The following CNGB3 variants were observed in gnomAD, a reference collection of about 807,000 sequenced individuals.
CNGB3 encodes cyclic nucleotide-gated channel beta-3.
In CNGB3, 86 loss-of-function variants were observed where a neutral mutation model predicts 92.8. The ratio of observed to expected loss-of-function variants is 0.93; its 90% CI spans 0.78 to 1.11. The LOEUF is 1.11. Among genes scored for constraint, CNGB3 ranks in the 50% least tolerant of loss-of-function variants. CNGB3 has a pLI of 0.00. For missense variants in CNGB3, 1,026 were observed against 956.8 expected (o/e 1.07, Z -0.95); for synonymous variants, 333 against 332.7 (o/e 1.00, Z -0.01).
At chr8:86,739,759 T>C (rs760206186) in intron 1 of CNGB3, 23 bp from the exon 2 acceptor site, 29 of 1,611,410 alleles carry the variant, frequency 1.8e-5, no homozygotes, top group Non-Finnish European at 2.5e-5. Flanking sequence ...ACATAGAGAT[T>C]GTATGTGATG....
In CNGB3 at chr8:86,706,190, A is replaced by G. The variant is rs1824648744; in HGVS notation, c.338+20341T>C. 3.9e-5 allele frequency among the ~76,000 whole-genome samples: 6 copies of G among 152,294 alleles called. No individual in the cohort carries two copies. In the South Asian group the frequency reaches 1.0e-3, roughly 26 times the overall value. On this transcript the variant is annotated intron_variant, in intron 3 of 17. Coordinates refer to ENST00000320005, the MANE Select transcript of CNGB3 (RefSeq NM_019098.5). ...CTTTTCCAGGTCTCATTAAAACCCA[A>G]TGTGCTGATGTAAGAACAGATTGAT...
chr8:86,651,844 A>T (rs149263562), intron 7 of CNGB3, among the ~76,000 whole-genome samples: 2 of 152,000 alleles, frequency 1.3e-5, no homozygotes, highest in Non-Finnish European at 2.9e-5. Context: ...AGAAGTTAAC[A>T]AGCTAATAGT....
chr8:86,738,840 C>CAAAA (rs773191598), intron 2 of CNGB3, among the ~76,000 whole-genome samples: 5 of 121,014 alleles, frequency 4.1e-5, no homozygotes, highest in Non-Finnish European at 8.4e-5. Flanking sequence ...GACTCCGTCT[C>CAAAA]AAAAAAAAAA....
intron 3 of CNGB3, among the ~76,000 whole-genome samples, chr8:86,672,987 AC>A (rs1307247562): frequency 6.6e-6 from 1 of 152,184 alleles, no homozygotes; most frequent in Non-Finnish European, 1.5e-5. Flanking sequence ...AGCCAGAATA[AC>A]TTTTTTCCTG....
At chr8:86,705,889 C>A (rs1194858392) in intron 3 of CNGB3, among the ~76,000 whole-genome samples, 1 of 152,132 alleles carries the variant, frequency 6.6e-6, no homozygotes, top group Non-Finnish European at 1.5e-5. Context: ...TGATACAGAA[C>A]CAGATGCTCA....
At chr8:86,582,043 A>T (rs183403934) in intron 15 of CNGB3, among the ~76,000 whole-genome samples, 6 of 151,936 alleles carry the variant, frequency 3.9e-5, no homozygotes, top group African/African-American at 1.4e-4. Flanking sequence ...AAAAGGGAAG[A>T]AAAAACAGTC....
At chr8:86,710,702 C>CA (rs2131658244) in intron 3 of CNGB3, among the ~76,000 whole-genome samples, 1 of 152,016 alleles carries the variant, frequency 6.6e-6, no homozygotes, top group East Asian at 1.9e-4. Context: ...TCCTGTCAGA[C>CA]AAAAAATACC....
intron 17 of CNGB3, 73 bp downstream of exon 17, chr8:86,578,616 G>T (rs1412946160): frequency 3.6e-6 from 5 of 1,377,788 alleles, no homozygotes; most frequent in African/African-American, 1.4e-5. Context: ...TGGAATTAGA[G>T]TGGGCGTTTG....
At chr8:86,683,446 A>C (rs1055540314) in intron 3 of CNGB3, among the ~76,000 whole-genome samples, 2 of 152,186 alleles carry the variant, frequency 1.3e-5, no homozygotes, top group Non-Finnish European at 2.9e-5. Flanking sequence ...GTAGGTTAAC[A>C]AAAAAGACTA....
intron 3 of CNGB3, chr8:86,707,913 A>AT (rs1824680129): frequency 6.6e-6 from 1 of 152,186 alleles, no homozygotes; most frequent in South Asian, 2.1e-4. Flanking sequence ...AATAGGGTGC[A>AT]TTTTTGGGTT....
chr8:86,593,142 A>T (rs1822083562), intron 15 of CNGB3, among the ~76,000 whole-genome samples: 1 of 152,230 alleles, frequency 6.6e-6, no homozygotes, highest in Non-Finnish European at 1.5e-5. Context: ...GAGTTTAGAT[A>T]TTACAGATAT....
rs1328336944 is a variant in CNGB3 at position 86,654,053 on chromosome 8, T to C, written c.862A>G (p.Asn288Asp). The C allele has an allele frequency of 3.8e-6, 6 of 1,593,050 alleles. No homozygotes were observed. Among genetic ancestry groups the C allele is most frequent in the Non-Finnish European group, 5.2e-6 (6 of 1,161,262 alleles). Reference protein sequence around the residue: ...VRGGDIIVDSNELRKHYRTST... With the variant: ...VRGGDIIVDSDELRKHYRTST... ...GTCCTGTAGTGTTTCCTTAGCTCAT[T>C]TGAATCCACCTGAAAGATATTTGTA... The change falls in exon 7 of 18, where the codon AAT becomes GAT. Residue 288 changes from asparagine (N) to aspartate (D), a missense_variant. Transcript: ENST00000320005.
At chr8:86,658,971 A>C in intron 6 of CNGB3, 8 of 1,086,908 alleles carry the variant, frequency 7.4e-6, no homozygotes, top group Non-Finnish European at 1.1e-5. Context: ...ATTGTCTTGC[A>C]CCTGGGCTTG....
chr8:86,726,658 C>T lies in CNGB3; in HGVS notation c.212-1G>A, dbSNP rs1825065987. ...GAGGAATTTTTCTTGGAGAGTTTGTCTATGAAAAAAAAATTCACATAGATA... is the reference window on the plus strand; with the variant it reads ...GAGGAATTTTTCTTGGAGAGTTTGTTTATGAAAAAAAAATTCACATAGATA... On this transcript the variant is annotated splice_acceptor_variant, in intron 2 of 17. Transcript: ENST00000320005. LOFTEE classifies it high-confidence loss of function. 1 of 1,613,286 alleles carries T rather than the reference C, an allele frequency of 6.2e-7. No homozygotes were observed. Among genetic ancestry groups the T allele is most frequent in the South Asian group, 1.1e-5 (1 of 91,076 alleles).
At chr8:86,588,893 G>C (rs1314786313) in intron 15 of CNGB3, among the ~76,000 whole-genome samples, 1 of 151,420 alleles carries the variant, frequency 6.6e-6, no homozygotes, top group Non-Finnish European at 1.5e-5. Context: ...CTATTGATTG[G>C]AATAGTTTCA....
intron 6 of CNGB3, among the ~76,000 whole-genome samples, chr8:86,662,794 C>A (rs1188559841): frequency 1.3e-5 from 2 of 152,132 alleles, no homozygotes; most frequent in Non-Finnish European, 2.9e-5. Context: ...TAAACCTTTT[C>A]ACACAATAAA....
At position 86,688,063 on chromosome 8, in the gene CNGB3, T is replaced by C. The variant is rs573309167; in HGVS notation, c.339-16965A>G. Among the ~76,000 whole-genome samples the C allele has an allele frequency of 2.6e-5, 4 of 152,068 alleles. No individual in the cohort carries two copies. The East Asian group carries it at 7.7e-4, about 29-fold the overall frequency. ...GCTTCAGATTATTGCAAAAGGTGTA[T>C]GGGTTTAAGAAATGGAGAGTACTAT... On this transcript the variant is annotated intron_variant, in intron 3 of 17. Coordinates refer to ENST00000320005, the MANE Select transcript of CNGB3 (RefSeq NM_019098.5).
intron 3 of CNGB3, among the ~76,000 whole-genome samples, chr8:86,693,462 T>G (rs1313567263): frequency 6.7e-6 from 1 of 148,248 alleles, no homozygotes; most frequent in Non-Finnish European, 1.5e-5. Flanking sequence ...TTTATTTATT[T>G]TTATTGATTA....
At chr8:86,677,500 C>A (rs1823998691) in intron 3 of CNGB3, among the ~76,000 whole-genome samples, 1 of 152,112 alleles carries the variant, frequency 6.6e-6, no homozygotes, top group Non-Finnish European at 1.5e-5. Flanking sequence ...GTTGAAATCA[C>A]CTGTCTAGAG....
Sources: allele counts gnomAD v4.1 joint callset (sites outside exome capture counted in the v4.1 genomes callset), GRCh38; gene constraint gnomAD v4.1.1; transcripts MANE v1.5; gene names NCBI Gene and HGNC (gene_info 2026-07-23, HGNC 2026-07-21).